The following FRMD4A variants were observed in gnomAD, a reference collection of about 807,000 sequenced individuals.
FRMD4A encodes the protein FERM domain-containing protein 4A.
In FRMD4A, 29 loss-of-function variants were observed where a neutral mutation model predicts 129.1. The observed-to-expected ratio is 0.22, with a 90% CI of 0.17 to 0.31. FRMD4A has a LOEUF of 0.31. Ranked by LOEUF, FRMD4A falls within the 10% of genes least tolerant of loss-of-function variation. The pLI is 1.00. For synonymous variants in FRMD4A, 634 were observed against 571.6 expected (o/e 1.11, Z -1.56); for missense variants, 1,272 against 1,375.8 (o/e 0.92, Z 1.19).
At chr10:13,737,040 G>C (rs566060348) in intron 12 of FRMD4A, among the ~76,000 whole-genome samples, 1 of 151,866 alleles carries the variant, frequency 6.6e-6, no homozygotes, top group Non-Finnish European at 1.5e-5. Context: ...TATTGAGCCA[G>C]AAAATATGTG....
intron 2 of FRMD4A, among the ~76,000 whole-genome samples, chr10:14,056,864 A>T (rs985601215): frequency 6.6e-6 from 1 of 152,196 alleles, no homozygotes; most frequent in Non-Finnish European, 1.5e-5. Context: ...ATAAATTTGA[A>T]AAATAAATAA....
chr10:14,225,724 G>T (rs1843411824), intron 2 of FRMD4A, among the ~76,000 whole-genome samples: 1 of 152,188 alleles, frequency 6.6e-6, no homozygotes, highest in Non-Finnish European at 1.5e-5. Context: ...ACCTTCTGAT[G>T]ATTTGCTTCC....
At chr10:13,920,296 C>G (rs1328882300) in intron 2 of FRMD4A, among the ~76,000 whole-genome samples, 9 of 152,168 alleles carry the variant, frequency 5.9e-5, no homozygotes, top group Non-Finnish European at 1.2e-4. Context: ...TCAATGCTAT[C>G]CTCCCCAACT....
intron 2 of FRMD4A, among the ~76,000 whole-genome samples, chr10:14,026,029 C>T (rs1042239636): frequency 6.6e-6 from 1 of 152,166 alleles, no homozygotes; most frequent in Non-Finnish European, 1.5e-5. Flanking sequence ...CAAGCCAGTG[C>T]CCAGTTCTGT....
At chr10:13,661,585 G>A (rs1270389332) in intron 19 of FRMD4A, among the ~76,000 whole-genome samples, 4 of 152,156 alleles carry the variant, frequency 2.6e-5, no homozygotes, top group African/African-American at 7.2e-5. Flanking sequence ...AAAACTTTGC[G>A]ATGTCTTAAG....
chr10:14,313,708 T>A (rs1589298645), intron 2 of FRMD4A, among the ~76,000 whole-genome samples: 1 of 152,348 alleles, frequency 6.6e-6, no homozygotes, highest in East Asian at 1.9e-4. Flanking sequence ...TTCACGTAGA[T>A]CACTTTCATG....
At chr10:13,669,925 T>C (rs1009271080) in intron 17 of FRMD4A, among the ~76,000 whole-genome samples, 3 of 152,200 alleles carry the variant, frequency 2.0e-5, no homozygotes, top group Non-Finnish European at 4.4e-5. Flanking sequence ...CTTGGAGGGA[T>C]GTGAGTAGCC....
chr10:13,654,614 T>C, intron 22 of FRMD4A, 102 bp from the exon 23 acceptor site: 1 of 715,634 alleles, frequency 1.4e-6, no homozygotes, highest in Non-Finnish European at 2.4e-6. Flanking sequence ...TGGCCAGAGG[T>C]CACCATTTCC....
At chr10:14,129,407 T>TATATAA (rs1554766626) in intron 2 of FRMD4A, among the ~76,000 whole-genome samples, 33 of 112,382 alleles carry the variant, frequency 2.9e-4, no homozygotes, top group Middle Eastern at 4.2e-3. Flanking sequence ...TATATATATA[T>TATATAA]AAAAAATATG....
intron 23 of FRMD4A, chr10:13,653,471 G>T (rs992987179): frequency 2.6e-5 from 4 of 152,302 alleles, no homozygotes; most frequent in Admixed American, 2.6e-4. Context: ...CTGCAGTCTG[G>T]GCAACAGAGT....
intron 2 of FRMD4A, among the ~76,000 whole-genome samples, chr10:14,127,450 C>T (rs1031035820): frequency 1.3e-5 from 2 of 152,106 alleles, no homozygotes; most frequent in Non-Finnish European, 1.5e-5. Flanking sequence ...TCTGGAGAAG[C>T]GAAAGATGGA....
intron 2 of FRMD4A, among the ~76,000 whole-genome samples, chr10:14,126,252 C>A (rs969681476): frequency 2.0e-5 from 3 of 147,176 alleles, no homozygotes; most frequent in Admixed American, 7.0e-5. Flanking sequence ...CTCAGTGCAA[C>A]CTCTGCCTCA....
rs537861588 is a variant in FRMD4A, at chr10:13,733,047, G to T, written c.759+4797C>A. Among the ~76,000 whole-genome samples the T allele has an allele frequency of 6.8e-4, 103 of 152,342 alleles. 1 individual carries two copies. Among genetic ancestry groups the T allele is most frequent in the African/African-American group, 2.4e-3 (100 of 41,576 alleles). ...TTCAGATGAGTTCCTGATGTACAGC[G>T]GAGGTTAAGAGCCACTGGCCTGGAG... On this transcript the variant is annotated intron_variant, in intron 12 of 24. Coordinates refer to ENST00000357447, the MANE Select transcript of FRMD4A (RefSeq NM_018027.5).
chr10:14,133,336 G>A (rs938756791), intron 2 of FRMD4A, among the ~76,000 whole-genome samples: 1 of 152,190 alleles, frequency 6.6e-6, no homozygotes, highest in African/African-American at 2.4e-5. Context: ...GCGATGTTGA[G>A]AATGTATTAG....
chr10:14,241,595 G>A (rs557222904), intron 2 of FRMD4A, among the ~76,000 whole-genome samples: 120 of 139,620 alleles, frequency 8.6e-4, no homozygotes, highest in African/African-American at 2.8e-3. Context: ...GATCTTTAGC[G>A]TTTATACTTT....
chr10:13,738,283 A>T (rs1264362648), intron 11 of FRMD4A, among the ~76,000 whole-genome samples: 1 of 151,906 alleles, frequency 6.6e-6, no homozygotes, highest in South Asian at 2.1e-4. Flanking sequence ...CGGGATGCTC[A>T]CTCACCACAA....
chr10:14,025,297 T>G (rs1832937210), intron 2 of FRMD4A, among the ~76,000 whole-genome samples: 1 of 141,580 alleles, frequency 7.1e-6, no homozygotes, highest in Non-Finnish European at 1.6e-5. Flanking sequence ...TTCCAAAGTT[T>G]GCTTTTTTTT....
chr10:13,731,443 G>T (rs1308613769), intron 12 of FRMD4A, among the ~76,000 whole-genome samples: 2 of 152,172 alleles, frequency 1.3e-5, no homozygotes, highest in Non-Finnish European at 2.9e-5. Context: ...GAGGTGAGGA[G>T]ATCAAGACCA....
intron 2 of FRMD4A, among the ~76,000 whole-genome samples, chr10:14,227,017 G>A (rs553424281): frequency 3.3e-5 from 5 of 152,066 alleles, no homozygotes; most frequent in South Asian, 2.1e-4. Flanking sequence ...GGCCTGCCAC[G>A]ATCTAGTGCC....
Sources: gnomAD v4.1 joint callset for allele counts (sites outside exome capture counted in the v4.1 genomes callset) on GRCh38, gnomAD v4.1.1 for gene constraint, MANE v1.5 for transcripts, NCBI Gene and HGNC (gene_info 2026-07-23, HGNC 2026-07-21) for gene names.